Variants in ZNF76 observed in about 807,000 individuals in gnomAD.
ZNF76 encodes the protein zinc finger protein 76.
A neutral mutation model predicts 66.9 loss-of-function variants in ZNF76; 66 were observed. That is an observed-to-expected ratio of 0.99 (90% CI 0.81 to 1.21). The LOEUF (loss-of-function observed/expected upper bound fraction) is 1.21, where lower values mean the gene tolerates loss of function less well. ZNF76 is among the 50% of genes most tolerant of loss of function. ZNF76 has a pLI of 0.00. For synonymous variants in ZNF76, 275 were observed against 296.1 expected (o/e 0.93, Z 0.73); for missense variants, 729 against 760.3 (o/e 0.96, Z 0.48).
chr6:35,292,911 C>G lies in ZNF76; in HGVS notation c.1196C>G (p.Pro399Arg). The change falls in exon 11 of 14, where the codon CCC becomes CGC. Residue 399 changes from proline to arginine, a missense_variant. By Grantham distance (103) the Pro-to-Arg change is moderately radical. Transcript: ENST00000373953. The surrounding 1 kb of genome is among the most constrained non-coding windows in gnomAD (Gnocchi z 4.7). ...TCTGCAGCCGAGGAGAGTCCGCCAC[C>G]CAAACGACCCCGGATAGCTTACCTT... Reference protein sequence around the residue: ...AASAAEESPPPKRPRIAYLSE... With the variant: ...AASAAEESPPRKRPRIAYLSE... 3 of 1,614,194 alleles carry G rather than the reference C, an allele frequency of 1.9e-6. No homozygotes were observed. Among genetic ancestry groups the G allele is most frequent in the South Asian group, 1.1e-5 (1 of 91,078 alleles).
At chr6:35,285,662 A>G (rs753927667) in intron 2 of ZNF76, among the ~76,000 whole-genome samples, 5 of 152,196 alleles carry the variant, frequency 3.3e-5, no homozygotes, top group Non-Finnish European at 5.9e-5. Flanking sequence ...CCATTAAGCT[A>G]TATATCCTGC....
chr6:35,282,683 C>T (rs950256178), intron 2 of ZNF76, among the ~76,000 whole-genome samples: 8 of 152,220 alleles, frequency 5.3e-5, no homozygotes, highest in African/African-American at 1.9e-4. Flanking sequence ...GTCATTGCAA[C>T]ATTGCCCTCC....
chr6:35,291,829 C>G, intron 9 of ZNF76, 92 bp downstream of exon 9: 1 of 1,466,314 alleles, frequency 6.8e-7, no homozygotes, highest in Non-Finnish European at 9.3e-7. Flanking sequence ...CAACTCCCAG[C>G]CCAGAACCCT....
chr6:35,282,694 T>G (rs1562112643), intron 2 of ZNF76, among the ~76,000 whole-genome samples: 1 of 152,264 alleles, frequency 6.6e-6, no homozygotes, highest in Non-Finnish European at 1.5e-5. Flanking sequence ...ATTGCCCTCC[T>G]TTATTTCAAC....
At chr6:35,285,958 C>CA in intron 2 of ZNF76, among the ~76,000 whole-genome samples, 170 bp from the exon 3 acceptor site, 1 of 152,322 alleles carries the variant, frequency 6.6e-6, no homozygotes, top group East Asian at 1.9e-4. Flanking sequence ...CTTAGTGTCT[C>CA]AAGGCCCAGG....
chr6:35,286,432 A>G, intron 4 of ZNF76, 33 bp downstream of exon 4: 1 of 1,603,952 alleles, frequency 6.2e-7, no homozygotes, highest in Non-Finnish European at 8.5e-7. Flanking sequence ...TCGGGGAAGG[A>G]TGGGAGGCAG....
At position 35,294,604 on chromosome 6, in the gene ZNF76, G is replaced by A. The variant is rs115211384; in HGVS notation, c.1608+35G>A. The A allele has an allele frequency of 2.3e-3, 3,297 of 1,426,382 alleles. 65 individuals carry two copies. In the African/African-American group the frequency reaches 0.036, roughly 16 times the overall value. 88.4% of individuals were successfully genotyped at this position (1,426,382 alleles called of 1,614,324 possible). On this transcript the variant is annotated intron_variant, in intron 13 of 13. Transcript: ENST00000373953. ...GATCTGGGAGGAAAGGGGATCCCAC[G>A]GCCAGAGAAGTCAACAAGGAATAAA...
At chr6:35,293,072 A>G (rs374632436) in intron 11 of ZNF76, 28 bp downstream of exon 11, 2 of 1,610,172 alleles carry the variant, frequency 1.2e-6, no homozygotes, top group African/African-American at 1.3e-5. Context: ...CAGAGGTGCC[A>G]TACTAGCTGG....
intron 1 of ZNF76, among the ~76,000 whole-genome samples, chr6:35,263,427 A>G (rs1010773568): frequency 8.5e-5 from 13 of 152,168 alleles, no homozygotes; most frequent in African/African-American, 2.7e-4. Flanking sequence ...ATAATCCCCA[A>G]CCACTGAAGT....
In ZNF76 at chr6:35,290,329, C is replaced by A; in HGVS notation, c.496C>A (p.Arg166Ser). The change falls in exon 6 of 14, where the codon CGC (arginine) becomes AGC (serine). Residue 166 changes from arginine (R) to serine (S), a missense_variant. By Grantham distance (110) the Arg-to-Ser change is moderately radical (BLOSUM62 -1). Coordinates refer to ENST00000373953, the MANE Select transcript of ZNF76 (RefSeq NM_003427.5). Reference sequence around the variant, plus strand: ...GCAGCAAGTTGGAGACAGAGCATTCCGCTGTGGCTACAAGGGCTGTGGGCG... The same window carrying A: ...GCAGCAAGTTGGAGACAGAGCATTCAGCTGTGGCTACAAGGGCTGTGGGCG... Reference protein sequence around the residue: ...KGQQVGDRAFRCGYKGCGRLY... With the variant: ...KGQQVGDRAFSCGYKGCGRLY... 1.2e-6 allele frequency: 2 copies of A among 1,614,192 alleles called. No homozygotes were observed. The highest frequency in any genetic ancestry group is 2.2e-5 in the South Asian group (2 of 91,086).
Position 35,287,888 on chromosome 6 carries a change from C to T in ZNF76, c.432+43C>T, listed in dbSNP as rs114242781. ...GACACGGTCTGTCACTCTAGACAAC[C>T]GGGCCTGGCCTGCGCACTGCCTCTT... On this transcript the variant is annotated intron_variant, in intron 5 of 13. Transcript: ENST00000373953. The surrounding 1 kb of genome is among the most constrained non-coding windows in gnomAD (Gnocchi z 4.0). The T allele has an allele frequency of 1.2e-5, 19 of 1,548,226 alleles. No homozygotes were observed. The highest frequency in any genetic ancestry group is 2.4e-5 in the East Asian group (1 of 40,972).
intron 4 of ZNF76, 116 bp downstream of exon 4, chr6:35,286,515 T>C: frequency 1.0e-6 from 1 of 954,000 alleles, no homozygotes; most frequent in Non-Finnish European, 1.6e-6. Flanking sequence ...GGAGCTGTCA[T>C]CTCCATGGTA....
intron 4 of ZNF76, chr6:35,286,701 T>A: frequency 8.3e-6 from 4 of 483,730 alleles, no homozygotes; most frequent in African/African-American, 3.8e-5. Context: ...CCCGAGGATA[T>A]CATCCAAGAC....
intron 1 of ZNF76, among the ~76,000 whole-genome samples, chr6:35,280,696 A>G (rs1336990531): frequency 6.6e-6 from 1 of 152,198 alleles, no homozygotes. Context: ...CAGTAGATAA[A>G]TGGGTCCGAG....
chr6:35,268,026 A>G (rs1171404611), intron 1 of ZNF76, among the ~76,000 whole-genome samples: 2 of 152,204 alleles, frequency 1.3e-5, no homozygotes, highest in Non-Finnish European at 2.9e-5. Context: ...CAACTTAGAT[A>G]TTACAATAAG....
chr6:35,280,131 C>T (rs1286221562), intron 1 of ZNF76, among the ~76,000 whole-genome samples: 4 of 152,148 alleles, frequency 2.6e-5, no homozygotes, highest in Admixed American at 2.0e-4. Flanking sequence ...ACACCCCGCC[C>T]ATATTTGCCT....
intron 13 of ZNF76, 29 bp from the exon 14 acceptor site, chr6:35,295,115 T>C: frequency 6.4e-7 from 1 of 1,573,208 alleles, no homozygotes; most frequent in Non-Finnish European, 8.7e-7. Flanking sequence ...TCTCACTGTC[T>C]CCTTCCTTCT....
chr6:35,291,413 GC>G lies in ZNF76; in HGVS notation c.751+13del. 6.2e-7 allele frequency: 1 copy of G among 1,614,080 alleles called. No individual in the cohort carries two copies. Among genetic ancestry groups the G allele is most frequent in the South Asian group, 1.1e-5 (1 of 91,082 alleles). On this transcript the variant is annotated intron_variant, in intron 8 of 13. Transcript: ENST00000373953. ...GTCCGTACCCACACTGGTATGCTGG[GC>G]CCTGCCCACTCCAACCCCATTCCCT...
rs1285050927 is a variant in ZNF76, at chr6:35,292,407, C to G, written c.932-147C>G. 3 of 787,308 alleles carry G rather than the reference C, an allele frequency of 3.8e-6. No individual in the cohort carries two copies. The African/African-American group carries it at 5.1e-5, about 13-fold the overall frequency. 48.8% of individuals were successfully genotyped at this position (787,308 alleles called of 1,614,324 possible). A position where few individuals can be genotyped will look rare whatever the true frequency, so the allele number is the denominator to read the frequency against. Reference sequence around the variant, plus strand: ...CTCTGTGTTCCACTGGCCATCTTCCCCAACCCTGTCCATTCAGAGTCTCAG... The same window carrying G: ...CTCTGTGTTCCACTGGCCATCTTCCGCAACCCTGTCCATTCAGAGTCTCAG... On this transcript the variant is annotated intron_variant, in intron 9 of 13. Transcript: ENST00000373953. The surrounding 1 kb of genome is among the most constrained non-coding windows in gnomAD (Gnocchi z 4.7).
Sources: allele counts gnomAD v4.1 joint callset (sites outside exome capture counted in the v4.1 genomes callset), GRCh38; gene constraint gnomAD v4.1.1; non-coding constraint Gnocchi (gnomAD v3.1); transcripts MANE v1.5; gene names NCBI Gene and HGNC (gene_info 2026-07-23, HGNC 2026-07-21).